GHR: variants seen among roughly 807,000 people sequenced by gnomAD.
GHR encodes the protein GH receptor.
GHR carries 35 observed loss-of-function variants against 67.1 expected under a neutral mutation model. That is an observed-to-expected ratio of 0.52 (90% CI 0.40 to 0.69). GHR has a LOEUF of 0.69. Ranked by LOEUF, GHR falls within the 30% of genes least tolerant of loss-of-function variation. The pLI is 0.00. For missense variants in GHR, 792 were observed against 764.6 expected (o/e 1.04, Z -0.42); for synonymous variants, 272 against 269.1 (o/e 1.01, Z -0.10).
intron 6 of GHR, among the ~76,000 whole-genome samples, chr5:42,700,886 C>G (rs1463342343): frequency 3.9e-5 from 6 of 152,136 alleles, no homozygotes; most frequent in African/African-American, 1.2e-4. Context: ...CTTTGAGGCT[C>G]TATTTTCTGA....
At chr5:42,710,193 C>CA (rs946439917) in intron 6 of GHR, among the ~76,000 whole-genome samples, 8 of 151,670 alleles carry the variant, frequency 5.3e-5, no homozygotes, top group Admixed American at 2.0e-4. Context: ...ACACATGAGG[C>CA]AAAAAAAGAT....
At chr5:42,534,914 G>A (rs1036011786) in intron 1 of GHR, among the ~76,000 whole-genome samples, 1 of 151,968 alleles carries the variant, frequency 6.6e-6, no homozygotes, top group Admixed American at 6.6e-5. Context: ...CTTATCATTA[G>A]TGATATTGAG....
chr5:42,695,120 T>C (rs1363251549), intron 5 of GHR, 31 bp downstream of exon 5: 1 of 1,506,414 alleles, frequency 6.6e-7, no homozygotes, highest in Non-Finnish European at 9.2e-7. Context: ...TCATTTGACA[T>C]AGTTTTAGAC....
At chr5:42,601,622 A>C (rs1752381193) in intron 2 of GHR, among the ~76,000 whole-genome samples, 1 of 152,212 alleles carries the variant, frequency 6.6e-6, no homozygotes, top group East Asian at 1.9e-4. Flanking sequence ...GCATTAATGC[A>C]AATGGAATTT....
intron 2 of GHR, among the ~76,000 whole-genome samples, chr5:42,574,378 C>G (rs536652228): frequency 6.6e-6 from 1 of 152,198 alleles, no homozygotes; most frequent in Non-Finnish European, 1.5e-5. Context: ...GTTAGCTGGG[C>G]CAGCATCATA....
chr5:42,670,149 G>A (rs1443181213), intron 3 of GHR, among the ~76,000 whole-genome samples: 2 of 152,164 alleles, frequency 1.3e-5, no homozygotes, highest in Non-Finnish European at 2.9e-5. Flanking sequence ...ATTCAAAATA[G>A]CATGCTACTG....
At chr5:42,652,028 C>G (rs1024338295) in intron 3 of GHR, among the ~76,000 whole-genome samples, 1 of 152,092 alleles carries the variant, frequency 6.6e-6, no homozygotes, top group Admixed American at 6.6e-5. Context: ...TCAAATTCAA[C>G]ATCATAAGCC....
chr5:42,652,893 C>T (rs1054813669), intron 3 of GHR, among the ~76,000 whole-genome samples: 1 of 151,982 alleles, frequency 6.6e-6, no homozygotes, highest in African/African-American at 2.4e-5. Context: ...GCTACAGTGC[C>T]TCTTTACATC....
At chr5:42,516,922 CAG>C (rs1747263038) in intron 1 of GHR, among the ~76,000 whole-genome samples, 1 of 152,086 alleles carries the variant, frequency 6.6e-6, no homozygotes, top group Admixed American at 6.5e-5. Context: ...ACTTGAGTGC[CAG>C]AGTGTGTAAT....
Position 42,711,276 on chromosome 5 carries a change from G to T in GHR, c.688G>T (p.Val230Leu). ...LKVDKEYEVR[V>L]RSKQRNSGNY... Reference sequence around the variant, plus strand: ...AGTGGATAAGGAATATGAAGTGCGTGTGAGATCCAAACAACGAAACTCTGG... The same window carrying T: ...AGTGGATAAGGAATATGAAGTGCGTTTGAGATCCAAACAACGAAACTCTGG... The change falls in exon 7 of 10, where the codon GTG becomes TTG. Residue 230 changes from valine (V) to leucine (L), a missense_variant. Coordinates refer to ENST00000230882, the MANE Select transcript of GHR (RefSeq NM_000163.5). 1 of 1,612,634 alleles carries T rather than the reference G, an allele frequency of 6.2e-7. No homozygotes were observed. The highest frequency in any genetic ancestry group is 8.5e-7 in the Non-Finnish European group (1 of 1,178,664).
chr5:42,699,755 GAGA>G, intron 5 of GHR, 66 bp from the exon 6 acceptor site: 2 of 983,576 alleles, frequency 2.0e-6, no homozygotes, highest in South Asian at 2.6e-5. Flanking sequence ...TTGGTCTTCT[GAGA>G]AGAATGCCTT....
intron 6 of GHR, among the ~76,000 whole-genome samples, chr5:42,701,565 G>A (rs1374375251): frequency 6.6e-6 from 1 of 152,106 alleles, no homozygotes; most frequent in African/African-American, 2.4e-5. Flanking sequence ...ATTCATATTT[G>A]AATTGGCAAA....
Position 42,467,584 on chromosome 5 carries a change from A to C in GHR, c.-12+43629A>C, listed in dbSNP as rs1744791046. On this transcript the variant is annotated intron_variant, in intron 1 of 9. Coordinates refer to ENST00000230882, the MANE Select transcript of GHR (RefSeq NM_000163.5). ...TTCTAAGGAGAGGTTTTTTTGATAT[A>C]CAGTCAGATTTGAACTCTGATTGAA... 1.9e-6 allele frequency: 3 copies of C among 1,586,636 alleles called. No individual in the cohort carries two copies. The Admixed American group carries it at 5.1e-5, about 27-fold the overall frequency.
rs373299894 is a variant in GHR, at chr5:42,504,565, C to T, written c.-11-61299C>T. On this transcript the variant is annotated intron_variant, in intron 1 of 9. Coordinates refer to ENST00000230882, the MANE Select transcript of GHR (RefSeq NM_000163.5). ...CACGAGGTCAGGAGATTGAGATCAT[C>T]CTGGCCAACATGATGAAACCCCATC... Among the ~76,000 whole-genome samples the T allele has an allele frequency of 2.0e-4, 30 of 152,160 alleles. 1 individual carries two copies. The South Asian group carries it at 6.2e-3, about 32-fold the overall frequency.
At chr5:42,567,623 C>T (rs1468650311) in intron 2 of GHR, among the ~76,000 whole-genome samples, 2 of 151,464 alleles carry the variant, frequency 1.3e-5, no homozygotes, top group East Asian at 1.9e-4. Flanking sequence ...TCTTATTGAA[C>T]TAACCAATAT....
chr5:42,657,711 A>G (rs928639684), intron 3 of GHR, among the ~76,000 whole-genome samples: 2 of 152,210 alleles, frequency 1.3e-5, no homozygotes, highest in South Asian at 2.1e-4. Context: ...ATGAAGTACT[A>G]TAAGTCTACA....
chr5:42,447,684 CCTCCCTCCCTCCCTCTATCT>C (rs1316005805), intron 1 of GHR, among the ~76,000 whole-genome samples: 2 of 131,772 alleles, frequency 1.5e-5, no homozygotes, highest in Non-Finnish European at 3.3e-5. Flanking sequence ...TTTCTCCCTC[CCTCCCTCCCTCCCTCTATCT>C]CTCCCTCCCT....
intron 3 of GHR, among the ~76,000 whole-genome samples, chr5:42,660,799 C>G (rs905193433): frequency 2.4e-4 from 36 of 152,162 alleles, no homozygotes; most frequent in Non-Finnish European, 5.0e-4. Context: ...TTCAGACGAT[C>G]AAATTACTCC....
chr5:42,650,967 A>T (rs1030529678), intron 3 of GHR, among the ~76,000 whole-genome samples: 12 of 152,190 alleles, frequency 7.9e-5, no homozygotes, highest in African/African-American at 2.9e-4. Flanking sequence ...TACCATATAA[A>T]TCTATGAGGA....
Sources: allele counts gnomAD v4.1 joint callset (sites outside exome capture counted in the v4.1 genomes callset), GRCh38; gene constraint gnomAD v4.1.1; transcripts MANE v1.5; gene names NCBI Gene and HGNC (gene_info 2026-07-23, HGNC 2026-07-21).